The following ATAD2B variants were observed in gnomAD, a reference collection of about 807,000 sequenced individuals.
ATAD2B encodes the protein ATPase family AAA domain-containing protein 2B.
In ATAD2B, 40 loss-of-function variants were observed where a neutral mutation model predicts 167.6. The observed-to-expected ratio is 0.24, with a 90% CI of 0.19 to 0.31. The LOEUF (loss-of-function observed/expected upper bound fraction) is 0.31, where lower values mean the gene tolerates loss of function less well. Ranked by LOEUF, ATAD2B falls within the 10% of genes least tolerant of loss-of-function variation. ATAD2B has a pLI of 1.00. For synonymous variants in ATAD2B, 579 were observed against 596.5 expected, an observed-to-expected ratio of 0.97 and a Z score of 0.43; for missense variants, 1,242 against 1,757.2, an observed-to-expected ratio of 0.71 and a Z score of 5.24.
At chr2:23,703,412 AG>A in the ATAD2B span, 3 of 1,432,922 alleles carry the variant, frequency 2.1e-6, no homozygotes, top group Non-Finnish European at 2.8e-6. Flanking sequence ...GCCCAGGGCC[AG>A]GGTCGCATCC....
At chr2:23,680,755 T>C in the ATAD2B span, among the ~76,000 whole-genome samples, 1 of 147,644 alleles carries the variant, frequency 6.8e-6, no homozygotes, top group Non-Finnish European at 1.5e-5. This position sits in a 1 kb window ranked among gnomAD's most constrained non-coding sequence, Gnocchi z 4.1. Context: ...CTCTAGGCCA[T>C]CTTCTCCTGG....
the ATAD2B span, among the ~76,000 whole-genome samples, chr2:23,698,205 G>A: frequency 1.1e-4 from 16 of 152,268 alleles, no homozygotes; most frequent in African/African-American, 2.6e-4. Context: ...AGACCACCCC[G>A]GGAACCCCAA....
In ATAD2B at chr2:23,749,578, G is replaced by A. The variant is rs993818761; in HGVS notation, c.*2468C>T. On this transcript the variant is annotated 3_prime_UTR_variant, in exon 28 of 28. Transcript: ENST00000238789. Reference sequence around the variant, plus strand: ...GTGTTTTTTTAATTGAGGGAAGGAGGGCCAGAGGAGTTGGTACAATTTCAG... The same window carrying A: ...GTGTTTTTTTAATTGAGGGAAGGAGAGCCAGAGGAGTTGGTACAATTTCAG... 3.3e-5 allele frequency: 5 copies of A among 151,532 alleles called. No homozygotes were observed. Among genetic ancestry groups the A allele is most frequent in the South Asian group, 2.1e-4 (1 of 4,798 alleles). The allele number at this position is 151,532 out of a possible 1,614,324, so 9.4% of individuals were successfully genotyped here. A position where few individuals can be genotyped will look rare whatever the true frequency, so the allele number is the denominator to read the frequency against.
chr2:23,780,988 AT>A (rs201728848), intron 22 of ATAD2B, among the ~76,000 whole-genome samples: 8 of 151,518 alleles, frequency 5.3e-5, no homozygotes, highest in Admixed American at 2.6e-4. Flanking sequence ...AATAAGAAGC[AT>A]TTTTTTTTAG....
intron 22 of ATAD2B, among the ~76,000 whole-genome samples, chr2:23,781,959 C>T (rs965755555): frequency 3.1e-4 from 47 of 152,158 alleles, no homozygotes; most frequent in African/African-American, 1.0e-3. Flanking sequence ...ACTACAAGTG[C>T]GCAACCACCA....
intron 1 of ATAD2B, among the ~76,000 whole-genome samples, chr2:23,904,683 G>C (rs1701269329): frequency 6.6e-6 from 1 of 152,068 alleles, no homozygotes; most frequent in South Asian, 2.1e-4. Context: ...AAACAGAATA[G>C]GAACATTTTC....
the ATAD2B span, chr2:23,707,408 C>T: frequency 6.6e-6 from 1 of 152,178 alleles, no homozygotes; most frequent in Non-Finnish European, 1.5e-5. Flanking sequence ...TTTTTAAGTA[C>T]TGAGAGGAGG....
chr2:23,761,906 G>A (rs1304398453), intron 24 of ATAD2B, among the ~76,000 whole-genome samples: 1 of 151,972 alleles, frequency 6.6e-6, no homozygotes, highest in Admixed American at 6.6e-5. Context: ...TAAGGACAGG[G>A]GCATATAAAA....
At chr2:23,773,656 T>A (rs183920987) in intron 22 of ATAD2B, among the ~76,000 whole-genome samples, 12 of 152,364 alleles carry the variant, frequency 7.9e-5, no homozygotes, top group Non-Finnish European at 1.8e-4. Context: ...TATATATTTA[T>A]GAGTTTTCAC....
At chr2:23,923,361 G>A (rs1206771242) in intron 1 of ATAD2B, among the ~76,000 whole-genome samples, 1 of 151,992 alleles carries the variant, frequency 6.6e-6, no homozygotes, top group Non-Finnish European at 1.5e-5. Context: ...TCTTGTGGGG[G>A]GACAATCAAG....
the ATAD2B span, among the ~76,000 whole-genome samples, chr2:23,680,095 G>T: frequency 5.3e-5 from 8 of 152,200 alleles, no homozygotes; most frequent in Non-Finnish European, 1.0e-4. This position sits in a 1 kb window ranked among gnomAD's most constrained non-coding sequence, Gnocchi z 4.1. Context: ...GTGGCCTGGA[G>T]GGGGACAGGC....
In ATAD2B at chr2:23,754,729, G is replaced by A. The variant is rs1275745201; in HGVS notation, c.4124C>T (p.Ala1375Val). The A allele has an allele frequency of 1.1e-5, 18 of 1,612,522 alleles. No homozygotes were observed. Among genetic ancestry groups the A allele is most frequent in the African/African-American group, 1.3e-5 (1 of 74,804 alleles). Residue 1375 changes from alanine to valine, a missense_variant, in exon 26 of 28, where the codon GCA becomes GTA. Coordinates refer to ENST00000238789, the MANE Select transcript of ATAD2B (RefSeq NM_017552.4). ...AACCAGTTCCAGGCTTGTCGTTTTT[G>A]CCTGCTCTAAAATTAATTTACGGTA... ...KKYRKLILEQ[A>V]KTTSLELVPE...
chr2:23,784,783 G>GA (rs35755827), intron 21 of ATAD2B, among the ~76,000 whole-genome samples: 7 of 151,722 alleles, frequency 4.6e-5, no homozygotes, highest in African/African-American at 7.3e-5. Context: ...TGGGGGGGGG[G>GA]ATGACCCAGC....
intron 1 of ATAD2B, among the ~76,000 whole-genome samples, chr2:23,914,538 G>A (rs1014237546): frequency 2.0e-5 from 3 of 152,058 alleles, no homozygotes; most frequent in Admixed American, 2.0e-4. Context: ...TGGCAGGGAA[G>A]TGGAGATACA....
intron 22 of ATAD2B, among the ~76,000 whole-genome samples, chr2:23,775,045 A>G (rs1179458425): frequency 2.0e-5 from 3 of 152,198 alleles, no homozygotes; most frequent in African/African-American, 7.2e-5. Context: ...GGATGAGGAT[A>G]AGTAAACAAA....
intron 19 of ATAD2B, among the ~76,000 whole-genome samples, chr2:23,795,492 C>G (rs1682456363): frequency 1.3e-5 from 2 of 152,122 alleles, no homozygotes; most frequent in Admixed American, 6.6e-5. Flanking sequence ...CCTACAGCTA[C>G]TTGGTCTACA....
chr2:23,808,214 T>C (rs910998581), intron 18 of ATAD2B, among the ~76,000 whole-genome samples: 10 of 140,756 alleles, frequency 7.1e-5, no homozygotes, highest in Admixed American at 4.5e-4. Flanking sequence ...AAAATATATA[T>C]ATATATAAAG....
chr2:23,787,522 A>G (rs867970303), intron 20 of ATAD2B, among the ~76,000 whole-genome samples: 5 of 152,164 alleles, frequency 3.3e-5, no homozygotes, highest in Admixed American at 6.5e-5. Flanking sequence ...GGAAAAAACC[A>G]TAACTACAGC....
At chr2:23,705,364 G>A in the ATAD2B span, among the ~76,000 whole-genome samples, 8 of 152,084 alleles carry the variant, frequency 5.3e-5, no homozygotes, top group Admixed American at 2.0e-4. Context: ...GGTGGCAGGC[G>A]CCTGTAATCC....
Sources: gnomAD v4.1 joint callset for allele counts (sites outside exome capture counted in the v4.1 genomes callset) on GRCh38, gnomAD v4.1.1 for gene constraint, Gnocchi (gnomAD v3.1) non-coding constraint, MANE v1.5 for transcripts, NCBI Gene and HGNC (gene_info 2026-07-23, HGNC 2026-07-21) for gene names.